The following SLAMF1 variants were observed in gnomAD, a reference collection of about 807,000 sequenced individuals.
The protein encoded by SLAMF1 is signaling lymphocytic activation molecule family member 1.
A neutral mutation model predicts 35.1 loss-of-function variants in SLAMF1; 18 were observed. That is an observed-to-expected ratio of 0.51 (90% CI 0.35 to 0.76). The LOEUF is 0.76. Ranked by LOEUF, SLAMF1 falls within the 30% of genes least tolerant of loss-of-function variation. The probability of loss-of-function intolerance (pLI) is 0.01; values close to 1 mark genes in which losing one functional copy is unlikely to be tolerated. For synonymous variants in SLAMF1, 168 were observed against 157.2 expected, an observed-to-expected ratio of 1.07 and a Z score of -0.51; for missense variants, 392 against 413.0, an observed-to-expected ratio of 0.95 and a Z score of 0.44.
intron 4 of SLAMF1, chr1:160,623,701 TC>T: frequency 2.5e-6 from 1 of 400,660 alleles, no homozygotes; most frequent in Non-Finnish European, 4.4e-6. Flanking sequence ...CTTATTGGTT[TC>T]ATTCTAACCC....
intron 4 of SLAMF1, among the ~76,000 whole-genome samples, chr1:160,622,166 A>G (rs1659646833): frequency 6.6e-6 from 1 of 152,170 alleles, no homozygotes; most frequent in Non-Finnish European, 1.5e-5. Flanking sequence ...TTGGACCAAG[A>G]TAATTTAGTC....
intron 1 of SLAMF1, among the ~76,000 whole-genome samples, chr1:160,644,299 G>A (rs2102370973): frequency 6.6e-6 from 1 of 152,144 alleles, no homozygotes; most frequent in South Asian, 2.1e-4. Flanking sequence ...TACTCATTGA[G>A]GCCTCTGGAG....
chr1:160,614,617 C>A (rs1330942834), intron 5 of SLAMF1, among the ~76,000 whole-genome samples: 3 of 150,984 alleles, frequency 2.0e-5, no homozygotes, highest in African/African-American at 7.3e-5. Flanking sequence ...TCAACAGATG[C>A]AACCTCTGCT....
chr1:160,611,789 G>A (rs1659002687), intron 6 of SLAMF1, among the ~76,000 whole-genome samples: 1 of 152,140 alleles, frequency 6.6e-6, no homozygotes, highest in Admixed American at 6.5e-5. Flanking sequence ...TAAATATTCT[G>A]ATTAAATGGG....
Position 160,634,761 on chromosome 1 carries a change from T to G in SLAMF1, c.552A>C (p.Pro184=). The change falls in exon 3 of 7, where the codon CCA becomes CCC. Residue 184 remains proline (P), a synonymous_variant. Transcript: ENST00000302035. ...YSWSEKAGTH[P]LNPANSSHLL... is the part of the protein sequence containing the mutation. ...GGTGGGAGCTGTTGGCTGGGTTCAGTGGGTGGGTGCCCGCCTTTTCACTCC... is the reference window on the plus strand; with the variant it reads ...GGTGGGAGCTGTTGGCTGGGTTCAGGGGGTGGGTGCCCGCCTTTTCACTCC... 6.2e-7 allele frequency: 1 copy of G among 1,614,146 alleles called. No individual in the cohort carries two copies. The highest frequency in any genetic ancestry group is 8.5e-7 in the Non-Finnish European group (1 of 1,180,028).
chr1:160,617,229 C>A (rs111348004), intron 5 of SLAMF1, among the ~76,000 whole-genome samples: 2 of 152,112 alleles, frequency 1.3e-5, no homozygotes, highest in East Asian at 3.9e-4. Context: ...TAAATGGATA[C>A]GCCCACTTTG....
chr1:160,618,525 C>A (rs1659435640), intron 5 of SLAMF1, among the ~76,000 whole-genome samples: 1 of 151,956 alleles, frequency 6.6e-6, no homozygotes, highest in Non-Finnish European at 1.5e-5. Context: ...GACATGCCTG[C>A]CCAGCACTCT....
chr1:160,632,182 C>G (rs1377607946), intron 3 of SLAMF1, among the ~76,000 whole-genome samples: 3 of 152,118 alleles, frequency 2.0e-5, no homozygotes, highest in Non-Finnish European at 4.4e-5. Flanking sequence ...CCTTAGCAAA[C>G]TCATACACAG....
Position 160,612,536 on chromosome 1 carries a change from G to A in SLAMF1, c.909C>T (p.Cys303=), listed in dbSNP as rs1659046291. The A allele has an allele frequency of 2.5e-6, 4 of 1,613,228 alleles. No individual in the cohort carries two copies. In the East Asian group the frequency reaches 8.9e-5, roughly 36 times the overall value. The change falls in exon 6 of 7, where the codon TGC becomes TGT. Residue 303 remains cysteine, a synonymous_variant. Transcript: ENST00000302035. Reference sequence around the variant, plus strand: ...CTGTGGCAGCAACATATATGGTGGTGCAAGGGTCCTGAGCTGGGAAGGAGT... The same window carrying A: ...CTGTGGCAGCAACATATATGGTGGTACAAGGGTCCTGAGCTGGGAAGGAGT... The part of the protein sequence containing the change: ...KLDSFPAQDP[C]TTIYVAATEP...
chr1:160,613,722 A>T (rs990819112), intron 5 of SLAMF1, among the ~76,000 whole-genome samples: 1 of 152,256 alleles, frequency 6.6e-6, no homozygotes, highest in East Asian at 1.9e-4. Context: ...GGGATGGGAC[A>T]TAATTTTTCT....
At chr1:160,615,195 G>C (rs1226219999) in intron 5 of SLAMF1, among the ~76,000 whole-genome samples, 1 of 109,382 alleles carries the variant, frequency 9.1e-6, no homozygotes, top group Non-Finnish European at 1.9e-5. Flanking sequence ...AAAGAAAATT[G>C]TGAAAATGTG....
chr1:160,631,010 C>T (rs149986201), intron 3 of SLAMF1, among the ~76,000 whole-genome samples: 9 of 152,040 alleles, frequency 5.9e-5, no homozygotes, highest in East Asian at 3.9e-4. Context: ...ATTTTACATC[C>T]GTCACACTGT....
At chr1:160,635,794 T>G (rs546583376) in intron 2 of SLAMF1, among the ~76,000 whole-genome samples, 12 of 151,656 alleles carry the variant, frequency 7.9e-5, no homozygotes, top group Non-Finnish European at 1.8e-4. Flanking sequence ...ATAGCCAGGA[T>G]GGTCTCGATC....
Position 160,610,174 on chromosome 1 carries a change from T to C in SLAMF1, c.*574A>G, listed in dbSNP as rs1658904391. 1 of 383,228 alleles carries C rather than the reference T, an allele frequency of 2.6e-6. No individual in the cohort carries two copies. Among genetic ancestry groups the C allele is most frequent in the Non-Finnish European group, 5.2e-6 (1 of 193,366 alleles). The allele number at this position is 383,228 out of a possible 1,614,324, so 23.7% of individuals were successfully genotyped here. A position where few individuals can be genotyped will look rare whatever the true frequency, so the allele number is the denominator to read the frequency against. Reference sequence around the variant, plus strand: ...AAATAAAATAATATTCTTAGCTTCCTTTATACAATAATATCAGAGTGTTTT... The same window carrying C: ...AAATAAAATAATATTCTTAGCTTCCCTTATACAATAATATCAGAGTGTTTT... On this transcript the variant is annotated 3_prime_UTR_variant, in exon 7 of 7. Transcript: ENST00000302035.
chr1:160,615,330 G>A (rs1659236594), intron 5 of SLAMF1, among the ~76,000 whole-genome samples: 1 of 151,962 alleles, frequency 6.6e-6, no homozygotes, highest in Admixed American at 6.6e-5. Flanking sequence ...AATTATTGTG[G>A]ACTTGAAGTA....
intron 1 of SLAMF1, among the ~76,000 whole-genome samples, chr1:160,641,831 C>T (rs527417391): frequency 1.3e-5 from 2 of 152,098 alleles, no homozygotes; most frequent in Non-Finnish European, 2.9e-5. Context: ...TTCAGCCAGC[C>T]CTTATTTACT....
chr1:160,634,750 G>A lies in SLAMF1; in HGVS notation c.563C>T (p.Ala188Val), dbSNP rs754224461. 1.2e-6 allele frequency: 2 copies of A among 1,614,156 alleles called. No individual in the cohort carries two copies. The highest frequency in any genetic ancestry group is 1.1e-5 in the South Asian group (1 of 91,084). Residue 188 changes from alanine to valine, a missense_variant, in exon 3 of 7, where the codon GCC becomes GTC. Transcript: ENST00000302035. ...GAGGGACAGGAGGTGGGAGCTGTTG[G>A]CTGGGTTCAGTGGGTGGGTGCCCGC... ...EKAGTHPLNP[A>V]NSSHLLSLTL...
Position 160,610,261 on chromosome 1 carries a change from A to T in SLAMF1, c.*487T>A. 1 of 456,608 alleles carries T rather than the reference A, an allele frequency of 2.2e-6. No homozygotes were observed. Among genetic ancestry groups the T allele is most frequent in the Non-Finnish European group, 4.4e-6 (1 of 226,934 alleles). 28.3% of individuals were successfully genotyped at this position (456,608 alleles called of 1,614,324 possible). A position where few individuals can be genotyped will look rare whatever the true frequency, so the allele number is the denominator to read the frequency against. ...ACTCTTTATCCTGAGAGAGAAACTG[A>T]GGCACAGAGGCTTGATCAGGTCTGC... On this transcript the variant is annotated 3_prime_UTR_variant, in exon 7 of 7. Coordinates refer to ENST00000302035, the MANE Select transcript of SLAMF1 (RefSeq NM_003037.5).
intron 2 of SLAMF1, 78 bp from the exon 3 acceptor site, chr1:160,634,975 A>C: frequency 7.7e-7 from 1 of 1,302,482 alleles, no homozygotes; most frequent in South Asian, 1.4e-5. Flanking sequence ...TGTTAGAACA[A>C]AGTACAGCCT....
Sources: allele counts gnomAD v4.1 joint callset (sites outside exome capture counted in the v4.1 genomes callset), GRCh38; gene constraint gnomAD v4.1.1; transcripts MANE v1.5; gene names NCBI Gene and HGNC (gene_info 2026-07-23, HGNC 2026-07-21).